DNAH3: variants seen among roughly 807,000 people sequenced by gnomAD.
DNAH3 encodes axonemal beta dynein heavy chain 3.
DNAH3 carries 332 observed loss-of-function variants against 432.5 expected under a neutral mutation model. The ratio of observed to expected loss-of-function variants is 0.77; its 90% CI spans 0.70 to 0.84. DNAH3 has a LOEUF of 0.84. Among genes scored for constraint, DNAH3 ranks in the 40% least tolerant of loss-of-function variants. The pLI, the probability that DNAH3 is intolerant of heterozygous loss-of-function variation, is 0.00. For synonymous variants in DNAH3, 1,956 were observed against 1,900.2 expected (o/e 1.03, Z -0.76); for missense variants, 4,861 against 5,114.0 (o/e 0.95, Z 1.51).
At chr16:21,037,653 G>T in intron 34 of DNAH3, 108 bp downstream of exon 34, 1 of 923,016 alleles carries the variant, frequency 1.1e-6, no homozygotes, top group Non-Finnish European at 1.7e-6. Flanking sequence ...AGAGATGCTG[G>T]CCAAAGAATG....
intron 51 of DNAH3, among the ~76,000 whole-genome samples, chr16:20,973,741 C>T (rs1422124028): frequency 6.6e-6 from 1 of 152,214 alleles, no homozygotes; most frequent in Non-Finnish European, 1.5e-5. Flanking sequence ...CACCTTCAAG[C>T]GGGTTTCCTC....
chr16:21,119,896 G>A (rs539026189), intron 11 of DNAH3, among the ~76,000 whole-genome samples: 1 of 150,460 alleles, frequency 6.6e-6, no homozygotes, highest in South Asian at 2.1e-4. Context: ...CACCATGTTG[G>A]CCAGGCTGGT....
At chr16:20,993,680 T>C (rs898419923) in intron 44 of DNAH3, among the ~76,000 whole-genome samples, 14 of 152,150 alleles carry the variant, frequency 9.2e-5, no homozygotes. Context: ...GCCCAAAAGT[T>C]TTTTTCTTTT....
In DNAH3 at chr16:21,022,109, A is replaced by G. The variant is rs1467529613; in HGVS notation, c.5647-9T>C. On this transcript the variant is annotated splice_polypyrimidine_tract_variant and intron_variant, in intron 39 of 61. Transcript: ENST00000261383. ...ATGAACATGTCATTGACCTGAGAGTAGAAACCTCCATGAGACTTGGAGACA... is the reference window on the plus strand; with the variant it reads ...ATGAACATGTCATTGACCTGAGAGTGGAAACCTCCATGAGACTTGGAGACA... The G allele has an allele frequency of 6.2e-7, 1 of 1,613,714 alleles. No homozygotes were observed. The highest frequency in any genetic ancestry group is 8.5e-7 in the Non-Finnish European group (1 of 1,179,906).
chr16:20,987,705 G>A, exon 46 of DNAH3: 2 of 1,613,994 alleles, frequency 1.2e-6, no homozygotes, highest in Non-Finnish European at 1.7e-6. Flanking sequence ...GCAGGTGTGT[G>A]TGAGGGCACA....
chr16:21,110,115 T>C (rs1397790014), intron 14 of DNAH3, among the ~76,000 whole-genome samples: 2 of 152,182 alleles, frequency 1.3e-5, no homozygotes, highest in African/African-American at 2.4e-5. Flanking sequence ...TAGGATAACA[T>C]GGAATAACCA....
intron 23 of DNAH3, among the ~76,000 whole-genome samples, chr16:21,068,007 C>G (rs367809244): frequency 6.6e-6 from 1 of 152,152 alleles, no homozygotes; most frequent in Non-Finnish European, 1.5e-5. Flanking sequence ...ACAACCTTAA[C>G]TAATAAAGAA....
At chr16:21,049,706 A>T in intron 30 of DNAH3, 24 bp from the exon 31 acceptor site, 1 of 1,596,988 alleles carries the variant, frequency 6.3e-7, no homozygotes, top group East Asian at 2.2e-5. Flanking sequence ...GGATGTGGGT[A>T]TCATTCAGGG....
chr16:21,118,136 C>T lies in DNAH3; in HGVS notation c.1700-819G>A, dbSNP rs368129725. Among the ~76,000 whole-genome samples the T allele has an allele frequency of 1.2e-4, 18 of 151,706 alleles. 1 individual carries two copies. Among genetic ancestry groups the T allele is most frequent in the South Asian group, 4.2e-4 (2 of 4,782 alleles). Reference sequence around the variant, plus strand: ...CCGAGTAGCTGGGATTACAGGCATGCACCACCATACCCAGCTAATTTTTGT... The same window carrying T: ...CCGAGTAGCTGGGATTACAGGCATGTACCACCATACCCAGCTAATTTTTGT... On this transcript the variant is annotated intron_variant, in intron 11 of 61. Transcript: ENST00000261383.
At position 21,039,213 on chromosome 16, in the gene DNAH3, G is replaced by T. The variant is rs975346906; in HGVS notation, c.4730+639C>A. On this transcript the variant is annotated intron_variant, in intron 33 of 61. Transcript: ENST00000261383. ...ATAATTGCATATGTTTTATAGTGTT[G>T]CTTTTTTTTTTTTTTTTTTTTTTGA... is the stretch of plus-strand genomic sequence containing the variant. Among the ~76,000 whole-genome samples, 77 of 103,668 alleles carry T rather than the reference G, an allele frequency of 7.4e-4. 4 individuals carry two copies. Among genetic ancestry groups the T allele is most frequent in the African/African-American group, 2.0e-4 (5 of 25,632 alleles). The allele number at this position is 103,668 out of a possible 152,430, so 68.0% of individuals were successfully genotyped here. A position where few individuals can be genotyped will look rare whatever the true frequency, so the allele number is the denominator to read the frequency against.
At chr16:21,081,077 C>T (rs184705859) in intron 20 of DNAH3, among the ~76,000 whole-genome samples, 11 of 152,144 alleles carry the variant, frequency 7.2e-5, no homozygotes, top group Admixed American at 1.3e-4. Flanking sequence ...GCCACCATGC[C>T]TGGCTAGCTT....
rs752950422 is a variant in DNAH3 at position 21,020,375 on chromosome 16, CTATA to C, written c.5777-510_5777-507del. On this transcript the variant is annotated intron_variant, in intron 40 of 61. Coordinates refer to ENST00000261383, the Ensembl canonical transcript of DNAH3. ...ATATATATATATATATATAAAATCA[CTATA>C]TATATATATATATATATATTTTTTT... Among the ~76,000 whole-genome samples, 22 of 32,956 alleles carry C rather than the reference CTATA, an allele frequency of 6.7e-4. 1 individual carries two copies. The highest frequency in any genetic ancestry group is 3.5e-3 in the African/African-American group (20 of 5,794). The allele number at this position is 32,956 out of a possible 152,430, so 21.6% of individuals were successfully genotyped here.
At chr16:21,103,657 T>G (rs2091888493) in intron 16 of DNAH3, among the ~76,000 whole-genome samples, 1 of 152,144 alleles carries the variant, frequency 6.6e-6, no homozygotes, top group East Asian at 1.9e-4. Flanking sequence ...AACTCTCCCA[T>G]TTGGTGTAGA....
chr16:21,151,607 A>C (rs2152836671), intron 1 of DNAH3, among the ~76,000 whole-genome samples: 1 of 152,110 alleles, frequency 6.6e-6, no homozygotes, highest in Non-Finnish European at 1.5e-5. Flanking sequence ...GTTTTTCCCC[A>C]TTTTAACACT....
intron 14 of DNAH3, among the ~76,000 whole-genome samples, chr16:21,107,451 G>T (rs1440617781): frequency 6.6e-6 from 1 of 151,952 alleles, no homozygotes; most frequent in African/African-American, 2.4e-5. Flanking sequence ...TGTTGGCCAG[G>T]CTGGTCTTGA....
chr16:21,057,301 G>C (rs1229878536), intron 27 of DNAH3, among the ~76,000 whole-genome samples: 1 of 152,128 alleles, frequency 6.6e-6, no homozygotes, highest in Non-Finnish European at 1.5e-5. Context: ...AATATTTATT[G>C]ATCATCTACT....
exon 57 of DNAH3, chr16:20,948,562 T>A (rs764212859): frequency 6.2e-7 from 1 of 1,613,986 alleles, no homozygotes; most frequent in Non-Finnish European, 8.5e-7. Flanking sequence ...TTCCTTACAG[T>A]AGAACATGGA....
intron 44 of DNAH3, among the ~76,000 whole-genome samples, chr16:20,993,714 T>C (rs1005002536): frequency 2.0e-5 from 3 of 152,170 alleles, no homozygotes; most frequent in African/African-American, 7.2e-5. Context: ...GACAGGGTCT[T>C]GCTCTGTCGC....
chr16:21,081,721 C>A lies in DNAH3; in HGVS notation c.2884G>T (p.Glu962Ter). The A allele has an allele frequency of 6.2e-7, 1 of 1,613,468 alleles. No individual in the cohort carries two copies. The highest frequency in any genetic ancestry group is 1.1e-5 in the South Asian group (1 of 91,014). ...GGCTTTATCTCATAGCCAACAATCTCACTGATCTGCAAAGAAAAGAGGAAA... is the reference window on the plus strand; with the variant it reads ...GGCTTTATCTCATAGCCAACAATCTAACTGATCTGCAAAGAAAAGAGGAAA... Residue 962 changes from glutamate to a stop codon, truncating the protein, a stop_gained, in exon 20 of 62, where the codon GAG becomes TAG. Coordinates refer to ENST00000261383, the Ensembl canonical transcript of DNAH3. LOFTEE classifies it high-confidence loss of function.
Sources: gnomAD v4.1 joint callset for allele counts (sites outside exome capture counted in the v4.1 genomes callset) on GRCh38, gnomAD v4.1.1 for gene constraint, MANE v1.5 for transcripts, NCBI Gene and HGNC (gene_info 2026-07-23, HGNC 2026-07-21) for gene names.